The following SLC38A8 variants were observed in gnomAD, a reference collection of about 807,000 sequenced individuals.
SLC38A8 encodes solute carrier family 38 member 8.
Under a neutral mutation model 46.0 loss-of-function variants are expected in SLC38A8, and 65 were observed. The observed-to-expected ratio is 1.41, with a 90% CI of 1.16 to 1.74. SLC38A8 has a LOEUF of 1.74. Ranked by LOEUF, SLC38A8 falls within the 40% of genes most tolerant of loss-of-function variation. The probability of loss-of-function intolerance (pLI) is 0.00; values close to 1 mark genes in which losing one functional copy is unlikely to be tolerated. For synonymous variants in SLC38A8, 447 were observed against 243.7 expected, an observed-to-expected ratio of 1.83 and a Z score of -7.77; for missense variants, 998 against 567.9, an observed-to-expected ratio of 1.76 and a Z score of -7.70.
intron 6 of SLC38A8, among the ~76,000 whole-genome samples, chr16:84,028,988 G>T (rs893515566): frequency 1.3e-5 from 2 of 151,976 alleles, no homozygotes; most frequent in Admixed American, 6.5e-5. Context: ...CTGTATTTCT[G>T]CCCCTTTCCC....
At chr16:84,022,959 T>A in intron 6 of SLC38A8, 70 bp from the exon 7 acceptor site, 1 of 1,120,292 alleles carries the variant, frequency 8.9e-7, no homozygotes, top group South Asian at 1.6e-5. Flanking sequence ...AAAAAACTCA[T>A]ATCCAAAAGG....
intron 3 of SLC38A8, among the ~76,000 whole-genome samples, chr16:84,034,478 G>A (rs1567702266): frequency 6.6e-6 from 1 of 152,190 alleles, no homozygotes; most frequent in African/African-American, 2.4e-5. Context: ...TTGGAGGTGG[G>A]AGCCACTGGG....
At chr16:84,030,939 G>C (rs882986) in intron 5 of SLC38A8, among the ~76,000 whole-genome samples, 23,452 of 152,182 alleles carry the variant, frequency 0.15, 2,280 homozygotes, top group South Asian at 0.25. Context: ...AAGCCACCAG[G>C]TCTGGGACCC....
At chr16:84,028,478 A>G (rs2085192857) in intron 6 of SLC38A8, among the ~76,000 whole-genome samples, 1 of 151,720 alleles carries the variant, frequency 6.6e-6, no homozygotes, top group Non-Finnish European at 1.5e-5. Flanking sequence ...CCAGCTACTC[A>G]GGAGGCTTGA....
intron 4 of SLC38A8, 132 bp downstream of exon 4, chr16:84,033,194 ATT>A: frequency 8.4e-7 from 1 of 1,192,066 alleles, no homozygotes; most frequent in Non-Finnish European, 1.2e-6. Flanking sequence ...TACTTGTATA[ATT>A]TTTTTTTCGT....
At chr16:84,025,093 G>C (rs918328430) in intron 6 of SLC38A8, among the ~76,000 whole-genome samples, 22 of 152,198 alleles carry the variant, frequency 1.4e-4, no homozygotes, top group African/African-American at 4.6e-4. Context: ...ACAGCCAAGA[G>C]AATACTGATG....
intron 9 of SLC38A8, among the ~76,000 whole-genome samples, chr16:84,014,525 A>T (rs746078678): frequency 1.1e-4 from 16 of 150,266 alleles, no homozygotes; most frequent in Non-Finnish European, 1.9e-4. Context: ...CCCAAGGGAG[A>T]AGCCACATGG....
rs139990433 is a variant in SLC38A8 at position 84,027,179 on chromosome 16, G to A, written c.690+2315C>T. Among the ~76,000 whole-genome samples the A allele has an allele frequency of 9.2e-5, 14 of 152,118 alleles. No homozygotes were observed. In the East Asian group the frequency reaches 2.5e-3, roughly 27 times the overall value. ...AGCCTGGCCAACGTGTTGAAACCTC[G>A]TCTCTACTAAAAATACAAAAATTAG... On this transcript the variant is annotated intron_variant, in intron 6 of 10. Transcript: ENST00000299709.
chr16:84,021,590 C>G, intron 7 of SLC38A8, among the ~76,000 whole-genome samples: 1 of 152,184 alleles, frequency 6.6e-6, no homozygotes, highest in East Asian at 1.9e-4. Flanking sequence ...TGTCTCTAAG[C>G]CCTCACCAGA....
intron 3 of SLC38A8, among the ~76,000 whole-genome samples, chr16:84,034,167 C>T (rs2085276911): frequency 6.6e-6 from 1 of 152,206 alleles, no homozygotes; most frequent in Non-Finnish European, 1.5e-5. Flanking sequence ...ACCTAGCAGG[C>T]ACCTCCAACT....
At chr16:84,013,555 C>T (rs190362382) in intron 9 of SLC38A8, among the ~76,000 whole-genome samples, 248 of 151,264 alleles carry the variant, frequency 1.6e-3, no homozygotes, top group African/African-American at 5.7e-3. Context: ...CTCAGCCTCC[C>T]GAGTAGCTGG....
chr16:84,032,280 C>T (rs2085250171), intron 4 of SLC38A8, among the ~76,000 whole-genome samples: 1 of 152,178 alleles, frequency 6.6e-6, no homozygotes, highest in Non-Finnish European at 1.5e-5. Context: ...ACTCTGCCTC[C>T]CGGGTTCAAG....
intron 2 of SLC38A8, among the ~76,000 whole-genome samples, chr16:84,037,975 A>T (rs1369223758): frequency 6.6e-6 from 1 of 152,028 alleles, no homozygotes; most frequent in Non-Finnish European, 1.5e-5. Flanking sequence ...CACCCAGCTA[A>T]TTGTTTTTTG....
chr16:84,032,810 G>C (rs182900403), intron 4 of SLC38A8, among the ~76,000 whole-genome samples: 1 of 151,754 alleles, frequency 6.6e-6, no homozygotes, highest in Non-Finnish European at 1.5e-5. Flanking sequence ...TAAGTATACA[G>C]ACCCTTAGCC....
chr16:84,042,308 G>C, intron 1 of SLC38A8, 149 bp from the exon 2 acceptor site: 1 of 786,590 alleles, frequency 1.3e-6, no homozygotes, highest in Non-Finnish European at 1.9e-6. Flanking sequence ...CTTTCCAAAG[G>C]GTGCTGCATG....
At position 84,022,875 on chromosome 16, in the gene SLC38A8, G is replaced by C; in HGVS notation, c.705C>G (p.Ala235=). ...ICFGFQCHEA[A]VSIYCSMRKR... ...TGCGCATGCTGCAGTAGATGGAGAC[G>C]GCAGCTTCGTGACACTGTAAGACAG... The change falls in exon 7 of 11, where the codon GCC becomes GCG. Residue 235 remains alanine, a synonymous_variant. Coordinates refer to ENST00000299709, the MANE Select transcript of SLC38A8 (RefSeq NM_001080442.3). The C allele has an allele frequency of 1.2e-6, 2 of 1,605,180 alleles. No homozygotes were observed. Among genetic ancestry groups the C allele is most frequent in the Non-Finnish European group, 1.7e-6 (2 of 1,176,558 alleles).
intron 7 of SLC38A8, among the ~76,000 whole-genome samples, chr16:84,018,446 C>G (rs968547191): frequency 6.6e-6 from 1 of 151,998 alleles, no homozygotes; most frequent in Non-Finnish European, 1.5e-5. Context: ...GTCTCGATCT[C>G]CTGACCTCGT....
chr16:84,032,811 A>C (rs533129662), intron 4 of SLC38A8, among the ~76,000 whole-genome samples: 45 of 151,656 alleles, frequency 3.0e-4, no homozygotes, highest in African/African-American at 1.1e-3. Context: ...AAGTATACAG[A>C]CCCTTAGCCA....
At chr16:84,039,148 G>A (rs1369055494) in intron 2 of SLC38A8, among the ~76,000 whole-genome samples, 1 of 152,124 alleles carries the variant, frequency 6.6e-6, no homozygotes, top group Non-Finnish European at 1.5e-5. Flanking sequence ...GAAGCACCTG[G>A]AGCCACCAGG....
Sources: gnomAD v4.1 joint callset for allele counts (sites outside exome capture counted in the v4.1 genomes callset) on GRCh38, gnomAD v4.1.1 for gene constraint, MANE v1.5 for transcripts, NCBI Gene and HGNC (gene_info 2026-07-23, HGNC 2026-07-21) for gene names.